Variants in GABRA1 observed in about 807,000 individuals in gnomAD.
GABRA1 encodes gamma-aminobutyric acid type A receptor subunit alpha1.
A neutral mutation model predicts 48.9 loss-of-function variants in GABRA1; 9 were observed. The observed-to-expected ratio is 0.18, with a 90% CI of 0.11 to 0.32. The LOEUF (loss-of-function observed/expected upper bound fraction) is 0.32, where lower values mean the gene tolerates loss of function less well. Ranked by LOEUF, GABRA1 falls within the 10% of genes least tolerant of loss-of-function variation. The pLI is 1.00. For missense variants in GABRA1, 285 were observed against 553.8 expected, an observed-to-expected ratio of 0.51 and a Z score of 4.87; for synonymous variants, 210 against 198.7, an observed-to-expected ratio of 1.06 and a Z score of -0.48.
rs371702713 is a variant in GABRA1, at chr5:161,848,339, C to CG, written c.-98dup. 468 of 152,604 alleles carry CG rather than the reference C, an allele frequency of 3.1e-3. 1 individual carries two copies. The highest frequency in any genetic ancestry group is 6.8e-3 in the Middle Eastern group (2 of 294). 9.5% of individuals were successfully genotyped at this position (152,604 alleles called of 1,614,324 possible). A position where few individuals can be genotyped will look rare whatever the true frequency, so the allele number is the denominator to read the frequency against. On this transcript the variant is annotated 5_prime_UTR_variant, in exon 1 of 10. Coordinates refer to ENST00000393943, the MANE Select transcript of GABRA1 (RefSeq NM_001127644.2). ...GCGCCCGGACTCGGACTCGCAGACTCGCGCTGGCTCCAGTCTCTCCACGAT... is the reference window on the plus strand; with the variant it reads ...GCGCCCGGACTCGGACTCGCAGACTCGGCGCTGGCTCCAGTCTCTCCACGAT...
intron 3 of GABRA1, among the ~76,000 whole-genome samples, chr5:161,863,770 A>G (rs1333067275): frequency 1.3e-5 from 2 of 151,786 alleles, no homozygotes; most frequent in Non-Finnish European, 2.9e-5. Context: ...TTCTAACAAC[A>G]TAATGTATTA....
intron 8 of GABRA1, among the ~76,000 whole-genome samples, chr5:161,893,049 A>AATAATAATAAAAAAT: frequency 1.7e-5 from 1 of 57,364 alleles, no homozygotes; most frequent in African/African-American, 5.3e-5. Context: ...TAATAATAAT[A>AATAATAATAAAAAAT]AAATAAACAC....
intron 3 of GABRA1, among the ~76,000 whole-genome samples, chr5:161,857,988 TAAAA>T (rs61313708): frequency 7.1e-6 from 1 of 141,226 alleles, no homozygotes; most frequent in South Asian, 2.2e-4. Context: ...AGAAAAAAGT[TAAAA>T]AAAAAAGGAA....
intron 1 of GABRA1, chr5:161,849,002 T>G (rs1225154261): frequency 2.2e-6 from 1 of 455,320 alleles, no homozygotes; most frequent in Non-Finnish European, 4.4e-6. Context: ...ACACGAAAAC[T>G]CAACTTAGTC....
At chr5:161,880,331 T>C (rs1754559535) in intron 6 of GABRA1, among the ~76,000 whole-genome samples, 1 of 152,180 alleles carries the variant, frequency 6.6e-6, no homozygotes, top group African/African-American at 2.4e-5. Flanking sequence ...TAATTTATCA[T>C]ATTAAAATAT....
intron 7 of GABRA1, 111 bp from the exon 8 acceptor site, chr5:161,890,787 T>G (rs1755054613): frequency 5.2e-6 from 5 of 965,022 alleles, no homozygotes; most frequent in Non-Finnish European, 5.0e-6. Flanking sequence ...GGATGTCACA[T>G]GGAGAAAGGA....
chr5:161,863,835 G>A (rs2113346813), intron 3 of GABRA1, among the ~76,000 whole-genome samples: 1 of 151,736 alleles, frequency 6.6e-6, no homozygotes, highest in South Asian at 2.1e-4. Flanking sequence ...TCTTAGAGTA[G>A]CAGCCCCAAA....
chr5:161,896,224 A>G (rs928743435), intron 9 of GABRA1, among the ~76,000 whole-genome samples: 1 of 152,178 alleles, frequency 6.6e-6, no homozygotes, highest in Non-Finnish European at 1.5e-5. Context: ...TTATAATTTT[A>G]TAACTTGAAA....
intron 4 of GABRA1, among the ~76,000 whole-genome samples, chr5:161,868,656 G>C (rs546743889): frequency 6.6e-6 from 1 of 152,054 alleles, no homozygotes; most frequent in Non-Finnish European, 1.5e-5. Flanking sequence ...CTGGCACCTG[G>C]CATGGTGCTC....
chr5:161,872,603 CA>C lies in GABRA1; in HGVS notation c.256-507del, dbSNP rs556108281. Among the ~76,000 whole-genome samples the C allele has an allele frequency of 4.3e-3, 647 of 151,850 alleles. 2 individuals carry two copies. The highest frequency in any genetic ancestry group is 0.014 in the African/African-American group (572 of 41,400). ...TCTGTGAAAAAAATGTTTATTTCGCCAAAAAAAGATGGAATTTTTACATCCA... is the reference window on the plus strand; with the variant it reads ...TCTGTGAAAAAAATGTTTATTTCGCCAAAAAAGATGGAATTTTTACATCCA... On this transcript the variant is annotated intron_variant, in intron 4 of 9. Coordinates refer to ENST00000393943, the MANE Select transcript of GABRA1 (RefSeq NM_001127644.2).
At chr5:161,889,485 A>T (rs1416827189) in intron 7 of GABRA1, among the ~76,000 whole-genome samples, 3 of 152,062 alleles carry the variant, frequency 2.0e-5, no homozygotes, top group Non-Finnish European at 4.4e-5. Flanking sequence ...CTTCCATAGG[A>T]CAATAATTTC....
At chr5:161,864,115 G>T (rs1757962983) in intron 3 of GABRA1, among the ~76,000 whole-genome samples, 1 of 151,992 alleles carries the variant, frequency 6.6e-6, no homozygotes, top group South Asian at 2.1e-4. Context: ...CATAAGCTAT[G>T]TTCTCATTTT....
At chr5:161,859,896 T>G (rs1479519470) in intron 3 of GABRA1, among the ~76,000 whole-genome samples, 1 of 151,838 alleles carries the variant, frequency 6.6e-6, no homozygotes, top group African/African-American at 2.4e-5. Context: ...TGTGTTTACT[T>G]TACTAGAGAA....
At chr5:161,890,360 G>A (rs764158750) in intron 7 of GABRA1, among the ~76,000 whole-genome samples, 1 of 152,062 alleles carries the variant, frequency 6.6e-6, no homozygotes, top group Non-Finnish European at 1.5e-5. Flanking sequence ...AAAGATTCTA[G>A]CCCACTCTCC....
chr5:161,850,715 A>G (rs2113292915), intron 1 of GABRA1, 81 bp from the exon 2 acceptor site: 1 of 1,158,278 alleles, frequency 8.6e-7, no homozygotes, highest in East Asian at 2.3e-5. Flanking sequence ...GCATTCATCT[A>G]AACTGCCTCA....
chr5:161,877,574 A>C (rs1014358454), intron 6 of GABRA1, among the ~76,000 whole-genome samples: 1 of 152,206 alleles, frequency 6.6e-6, no homozygotes, highest in African/African-American at 2.4e-5. Flanking sequence ...TACGAAAAAG[A>C]TAAAAGCTTT....
At chr5:161,895,628 T>C (rs1184924656) in intron 8 of GABRA1, 38 bp from the exon 9 acceptor site, 2 of 1,559,384 alleles carry the variant, frequency 1.3e-6, no homozygotes, top group African/African-American at 2.7e-5. Context: ...TTTCACAGTA[T>C]GAACTGGCAT....
chr5:161,869,686 C>A (rs918036904), intron 4 of GABRA1, among the ~76,000 whole-genome samples: 2 of 152,126 alleles, frequency 1.3e-5, no homozygotes, highest in African/African-American at 4.8e-5. Flanking sequence ...AGGAACATAG[C>A]GGATGTTTTG....
chr5:161,885,785 T>A (rs942703602), intron 7 of GABRA1, among the ~76,000 whole-genome samples: 2 of 152,174 alleles, frequency 1.3e-5, no homozygotes, highest in South Asian at 4.1e-4. Context: ...ACAGAGTATA[T>A]GGCAGAGAAA....
Sources: gnomAD v4.1 joint callset for allele counts (sites outside exome capture counted in the v4.1 genomes callset) on GRCh38, gnomAD v4.1.1 for gene constraint, MANE v1.5 for transcripts, NCBI Gene and HGNC (gene_info 2026-07-23, HGNC 2026-07-21) for gene names.